Variants in NTN1 observed in about 807,000 individuals in gnomAD.
NTN1 encodes netrin-1.
Under a neutral mutation model 54.2 loss-of-function variants are expected in NTN1, and 11 were observed. The ratio of observed to expected loss-of-function variants is 0.20; its 90% CI spans 0.13 to 0.34. The LOEUF (loss-of-function observed/expected upper bound fraction) is 0.34, where lower values mean the gene tolerates loss of function less well. Ranked by LOEUF, NTN1 falls within the 10% of genes least tolerant of loss-of-function variation. The pLI is 1.00. For missense variants in NTN1, 740 were observed against 893.1 expected (o/e 0.83, Z 2.18); for synonymous variants, 371 against 382.0 (o/e 0.97, Z 0.33).
intron 2 of NTN1, among the ~76,000 whole-genome samples, chr17:9,023,633 C>T (rs2091861000): frequency 6.6e-6 from 1 of 152,264 alleles, no homozygotes; most frequent in African/African-American, 2.4e-5. Flanking sequence ...GAAATGTTCC[C>T]GGGAGGGGGT....
At chr17:9,070,710 G>T (rs971404695) in intron 2 of NTN1, among the ~76,000 whole-genome samples, 1 of 152,254 alleles carries the variant, frequency 6.6e-6, no homozygotes, top group Non-Finnish European at 1.5e-5. Context: ...TCCTGCCTCA[G>T]CCTCCTGAGT....
rs528936608 is a variant in NTN1, at chr17:9,221,155, C to T, written c.1412-13C>T. The stretch of plus-strand genomic sequence containing the variant: ...TTAGTTTTTGTCTGTGCTCCCCCCC[C>T]ACCCCCCTGCAGACTGCGATTCCTA... On this transcript the variant is annotated splice_polypyrimidine_tract_variant and intron_variant, in intron 5 of 6. Coordinates refer to ENST00000173229, the MANE Select transcript of NTN1 (RefSeq NM_004822.3). The surrounding 1 kb of genome is among the most constrained non-coding windows in gnomAD (Gnocchi z 4.5). 2.6e-5 allele frequency: 41 copies of T among 1,551,374 alleles called. No homozygotes were observed. The East Asian group carries it at 6.5e-4, about 25-fold the overall frequency.
chr17:9,017,584 A>T (rs2091834471), upstream of NTN1, among the ~76,000 whole-genome samples: 1 of 152,150 alleles, frequency 6.6e-6, no homozygotes, highest in Non-Finnish European at 1.5e-5. Context: ...TCCTAGGGTG[A>T]TCCGTCTGGC....
At chr17:9,018,492 G>A (rs2091836333), upstream of NTN1, among the ~76,000 whole-genome samples, 1 of 152,040 alleles carries the variant, frequency 6.6e-6, no homozygotes, top group Non-Finnish European at 1.5e-5. Flanking sequence ...AAATTAGCCA[G>A]GTGTGGTGGT....
At chr17:9,063,087 T>C (rs1439431124) in intron 2 of NTN1, among the ~76,000 whole-genome samples, 1 of 150,992 alleles carries the variant, frequency 6.6e-6, no homozygotes, top group African/African-American at 2.5e-5. Context: ...CTTTTATAGG[T>C]ATTATCATTA....
At chr17:9,080,413 TC>T (rs1402030143) in intron 2 of NTN1, among the ~76,000 whole-genome samples, 2 of 152,262 alleles carry the variant, frequency 1.3e-5, no homozygotes, top group African/African-American at 4.8e-5. Flanking sequence ...GTTCCAGTTA[TC>T]CATCTCTGTT....
chr17:9,168,336 T>C (rs764359470), intron 3 of NTN1, among the ~76,000 whole-genome samples: 21 of 152,112 alleles, frequency 1.4e-4, no homozygotes, highest in South Asian at 6.2e-4. Flanking sequence ...AGTTTGAGAC[T>C]AGCCTGACCA....
At chr17:9,071,609 G>A (rs781291962) in intron 2 of NTN1, among the ~76,000 whole-genome samples, 1 of 152,176 alleles carries the variant, frequency 6.6e-6, no homozygotes, top group Non-Finnish European at 1.5e-5. Flanking sequence ...CCACCCCTGG[G>A]GCCAGTCCTA....
chr17:9,003,282 A>AGTG, the NTN1 span, among the ~76,000 whole-genome samples: 2 of 148,848 alleles, frequency 1.3e-5, no homozygotes, highest in Non-Finnish European at 3.0e-5. The surrounding 1 kb of genome is among the most constrained non-coding windows in gnomAD (Gnocchi z 7.4). Context: ...GGGCAGCTGG[A>AGTG]GCGGCGTAGA....
intron 2 of NTN1, among the ~76,000 whole-genome samples, chr17:9,094,854 T>G (rs1292057273): frequency 6.6e-6 from 1 of 152,050 alleles, no homozygotes; most frequent in Non-Finnish European, 1.5e-5. Flanking sequence ...CCAGGCATGG[T>G]GGCGCATGCC....
chr17:9,183,175 G>T (rs1251804939), intron 5 of NTN1: 6 of 690,704 alleles, frequency 8.7e-6, no homozygotes, highest in Non-Finnish European at 1.6e-5. Flanking sequence ...GAATCAAATG[G>T]AGGAGATTTT....
chr17:9,166,630 C>T (rs567274164), intron 3 of NTN1, among the ~76,000 whole-genome samples: 62 of 152,322 alleles, frequency 4.1e-4, no homozygotes, highest in African/African-American at 1.3e-3. Flanking sequence ...GTATGAGCCA[C>T]CGTGCTTGGC....
At chr17:9,210,411 C>T (rs1194894996) in intron 5 of NTN1, among the ~76,000 whole-genome samples, 1 of 144,212 alleles carries the variant, frequency 6.9e-6, no homozygotes, top group Admixed American at 7.1e-5. Flanking sequence ...CACACAGGCA[C>T]ATGTGCGTGC....
At chr17:9,087,786 C>T (rs768696575) in intron 2 of NTN1, among the ~76,000 whole-genome samples, 5 of 151,266 alleles carry the variant, frequency 3.3e-5, no homozygotes, top group Non-Finnish European at 7.3e-5. Context: ...GTAGCTTTCA[C>T]GAACGGCTTT....
intron 2 of NTN1, among the ~76,000 whole-genome samples, chr17:9,045,623 C>G (rs1302514105): frequency 6.6e-6 from 1 of 151,972 alleles, no homozygotes; most frequent in Non-Finnish European, 1.5e-5. Context: ...AGCTAAGTAT[C>G]TAATTTAAGA....
At chr17:9,042,002 C>T (rs143814888) in intron 2 of NTN1, among the ~76,000 whole-genome samples, 46 of 145,910 alleles carry the variant, frequency 3.2e-4, no homozygotes, top group Non-Finnish European at 5.2e-4. Flanking sequence ...GAGTGGGACT[C>T]TGTCAAAAAG....
chr17:9,078,011 C>T (rs2092057124), intron 2 of NTN1, among the ~76,000 whole-genome samples: 2 of 152,150 alleles, frequency 1.3e-5, no homozygotes, highest in Admixed American at 6.5e-5. Flanking sequence ...TTAAGCACTC[C>T]TTGTCACCAC....
At chr17:9,225,748 C>T (rs997544496) in intron 6 of NTN1, among the ~76,000 whole-genome samples, 72 of 150,000 alleles carry the variant, frequency 4.8e-4, no homozygotes, top group African/African-American at 1.7e-3. Context: ...GGGGCTCCCT[C>T]GGAGGCTGCA....
At chr17:9,115,059 C>T (rs2092206304) in intron 2 of NTN1, among the ~76,000 whole-genome samples, 1 of 150,198 alleles carries the variant, frequency 6.7e-6, no homozygotes, top group South Asian at 2.1e-4. Context: ...TGCTGGGGCG[C>T]CAGGCCGGGG....
Sources: gnomAD v4.1 joint callset for allele counts (sites outside exome capture counted in the v4.1 genomes callset) on GRCh38, gnomAD v4.1.1 for gene constraint, Gnocchi (gnomAD v3.1) non-coding constraint, MANE v1.5 for transcripts, NCBI Gene and HGNC (gene_info 2026-07-23, HGNC 2026-07-21) for gene names.